PTPRK: variants seen among roughly 807,000 people sequenced by gnomAD.
PTPRK encodes the protein protein tyrosine phosphatase receptor type K.
Under a neutral mutation model 178.0 loss-of-function variants are expected in PTPRK, and 75 were observed. The observed-to-expected ratio is 0.42, with a 90% CI of 0.35 to 0.51. The LOEUF is 0.51. PTPRK is among the 20% of genes least tolerant of loss of function. The probability of loss-of-function intolerance (pLI) is 0.02; values close to 1 mark genes in which losing one functional copy is unlikely to be tolerated. For synonymous variants in PTPRK, 637 were observed against 620.6 expected, an observed-to-expected ratio of 1.03 and a Z score of -0.39; for missense variants, 1,441 against 1,797.8, an observed-to-expected ratio of 0.80 and a Z score of 3.59.
intron 2 of PTPRK, among the ~76,000 whole-genome samples, chr6:128,364,512 C>T (rs1835212273): frequency 6.6e-6 from 1 of 151,964 alleles, no homozygotes; most frequent in Admixed American, 6.6e-5. Context: ...ATGAATATCT[C>T]CCAAGTCTTG....
In PTPRK at chr6:128,357,018, G is replaced by A. The variant is rs191910204; in HGVS notation, c.224-34708C>T. 3.4e-3 allele frequency among the ~76,000 whole-genome samples: 515 copies of A among 152,230 alleles called. 3 individuals are homozygous for A. The highest frequency in any genetic ancestry group is 0.012 in the African/African-American group (480 of 41,542). On this transcript the variant is annotated intron_variant, in intron 2 of 29. Coordinates refer to ENST00000368226, the MANE Select transcript of PTPRK (RefSeq NM_002844.4). ...AGGCAGAACTCCATGGTGGAGCTGG[G>A]GTTTGAATACTGGGGAAGCCTAAGA...
chr6:128,199,743 G>A (rs1285328233), intron 6 of PTPRK, among the ~76,000 whole-genome samples: 1 of 152,152 alleles, frequency 6.6e-6, no homozygotes, highest in East Asian at 1.9e-4. Flanking sequence ...AGCATGTATG[G>A]CAAAATCTAA....
intron 13 of PTPRK, among the ~76,000 whole-genome samples, chr6:128,011,623 CT>C (rs1319501204): frequency 6.6e-6 from 1 of 150,994 alleles, no homozygotes; most frequent in East Asian, 1.9e-4. Flanking sequence ...AGAACAGCAG[CT>C]TTAATACTAT....
intron 6 of PTPRK, among the ~76,000 whole-genome samples, chr6:128,206,373 A>T (rs1037861135): frequency 2.0e-5 from 3 of 150,972 alleles, no homozygotes; most frequent in African/African-American, 7.3e-5. Context: ...CCCAGCAGAA[A>T]GATACATGCT....
intron 6 of PTPRK, among the ~76,000 whole-genome samples, chr6:128,214,872 C>A (rs1808959872): frequency 6.6e-6 from 1 of 152,056 alleles, no homozygotes; most frequent in African/African-American, 2.4e-5. Flanking sequence ...ATGTTAAACA[C>A]CAACTCTGAA....
intron 4 of PTPRK, among the ~76,000 whole-genome samples, chr6:128,241,063 A>T (rs1450966038): frequency 6.6e-6 from 1 of 152,238 alleles, no homozygotes; most frequent in Non-Finnish European, 1.5e-5. Flanking sequence ...AACAGTAGAT[A>T]AAAACACAGC....
At chr6:128,176,322 A>G (rs1409165128) in intron 7 of PTPRK, among the ~76,000 whole-genome samples, 1 of 151,892 alleles carries the variant, frequency 6.6e-6, no homozygotes, top group African/African-American at 2.4e-5. Context: ...AAACTGTTTT[A>G]TGATTGCTTA....
At chr6:128,053,956 TA>T (rs1184100697) in intron 13 of PTPRK, among the ~76,000 whole-genome samples, 1 of 152,222 alleles carries the variant, frequency 6.6e-6, no homozygotes, top group Non-Finnish European at 1.5e-5. Flanking sequence ...TCACCTCTAC[TA>T]TTTAACTGCA....
rs1214437884 is a variant in PTPRK, at chr6:128,067,433, C to A, written c.2157+86G>T. 1.3e-5 allele frequency: 16 copies of A among 1,233,208 alleles called. No individual in the cohort carries two copies. The Admixed American group carries it at 4.2e-4, about 33-fold the overall frequency. 76.4% of individuals were successfully genotyped at this position (1,233,208 alleles called of 1,614,324 possible). ...AAATTTTCTTTTTCTTTTTTTTTTTCTTGACGGATGCTACTGAGTATTCAT... is the reference window on the plus strand; with the variant it reads ...AAATTTTCTTTTTCTTTTTTTTTTTATTGACGGATGCTACTGAGTATTCAT... On this transcript the variant is annotated intron_variant, in intron 12 of 29. Coordinates refer to ENST00000368226, the MANE Select transcript of PTPRK (RefSeq NM_002844.4).
chr6:128,008,110 G>T (rs764890855), intron 14 of PTPRK: 2 of 1,304,336 alleles, frequency 1.5e-6, no homozygotes, highest in Non-Finnish European at 2.1e-6. Flanking sequence ...ATCGTAAAGA[G>T]GCAATATATT....
At chr6:128,027,351 T>C (rs759325872) in intron 13 of PTPRK, among the ~76,000 whole-genome samples, 39 of 152,264 alleles carry the variant, frequency 2.6e-4, no homozygotes, top group Admixed American at 2.0e-3. Context: ...GAAATACGTA[T>C]ATTGGGCAAG....
chr6:128,004,096 A>G (rs1778152424), intron 15 of PTPRK, among the ~76,000 whole-genome samples: 1 of 151,858 alleles, frequency 6.6e-6, no homozygotes, highest in South Asian at 2.1e-4. Flanking sequence ...ATATGTTCAT[A>G]GTTTGTACAG....
intron 1 of PTPRK, among the ~76,000 whole-genome samples, chr6:128,464,658 T>TATATACACAC (rs1849604060): frequency 8.6e-6 from 1 of 116,652 alleles, no homozygotes; most frequent in African/African-American, 3.2e-5. Context: ...TATATATATA[T>TATATACACAC]ATATATATAT....
intron 13 of PTPRK, among the ~76,000 whole-genome samples, chr6:128,042,134 T>C (rs1562482839): frequency 1.3e-5 from 2 of 152,040 alleles, no homozygotes; most frequent in African/African-American, 2.4e-5. Flanking sequence ...TAACAGTCTG[T>C]TGAAGGCAAC....
At chr6:128,060,010 C>T (rs1371502567) in intron 13 of PTPRK, among the ~76,000 whole-genome samples, 1 of 152,060 alleles carries the variant, frequency 6.6e-6, no homozygotes, top group East Asian at 1.9e-4. Flanking sequence ...GGTGACTTGG[C>T]TATTTCTCTA....
At chr6:128,006,107 A>T (rs1778382524) in intron 14 of PTPRK, 1 of 1,370,292 alleles carries the variant, frequency 7.3e-7, no homozygotes, top group Non-Finnish European at 1.0e-6. Context: ...GTGAATGAAA[A>T]GCGTGACTCT....
At chr6:128,199,230 G>T (rs1237848292) in intron 6 of PTPRK, among the ~76,000 whole-genome samples, 2 of 152,038 alleles carry the variant, frequency 1.3e-5, no homozygotes. Context: ...TCTATCATCA[G>T]AAAAATGAAT....
intron 6 of PTPRK, among the ~76,000 whole-genome samples, chr6:128,191,366 CAG>C (rs1226396987): frequency 6.6e-6 from 1 of 151,872 alleles, no homozygotes; most frequent in Non-Finnish European, 1.5e-5. Context: ...CTCATAGAAG[CAG>C]AGAGTAGAAT....
chr6:128,316,877 C>T (rs1414323840), intron 3 of PTPRK, among the ~76,000 whole-genome samples: 3 of 151,810 alleles, frequency 2.0e-5, no homozygotes, highest in African/African-American at 2.4e-5. Context: ...CCACCATGCC[C>T]GGCTAATTTC....
Sources: gnomAD v4.1 joint callset for allele counts (sites outside exome capture counted in the v4.1 genomes callset) on GRCh38, gnomAD v4.1.1 for gene constraint, MANE v1.5 for transcripts, NCBI Gene and HGNC (gene_info 2026-07-23, HGNC 2026-07-21) for gene names.